The following PXT1 variants were observed in gnomAD, a reference collection of about 807,000 sequenced individuals.
PXT1 encodes peroxisomal testis enriched protein 1, also known as peroxisomal testis-specific protein 1.
In PXT1, 11 loss-of-function variants were observed where a neutral mutation model predicts 11.0. The observed-to-expected ratio is 1.00, with a 90% CI of 0.63 to 1.66. The LOEUF is 1.66. Ranked by LOEUF, PXT1 falls within the 40% of genes most tolerant of loss-of-function variation. The probability of loss-of-function intolerance (pLI) is 0.00; values close to 1 mark genes in which losing one functional copy is unlikely to be tolerated. For synonymous variants in PXT1, 43 were observed against 51.4 expected, an observed-to-expected ratio of 0.84 and a Z score of 0.70; for missense variants, 141 against 155.5, an observed-to-expected ratio of 0.91 and a Z score of 0.49.
intron 4 of PXT1, among the ~76,000 whole-genome samples, chr6:36,393,725 C>CAAA (rs33980831): frequency 5.6e-5 from 8 of 142,522 alleles, no homozygotes; most frequent in African/African-American, 1.3e-4. Context: ...GACTATGCCT[C>CAAA]AAAAAAAAAA....
At chr6:36,417,112 G>A (rs555707284) in intron 3 of PXT1, among the ~76,000 whole-genome samples, 7 of 152,284 alleles carry the variant, frequency 4.6e-5, no homozygotes, top group South Asian at 2.1e-4. Flanking sequence ...TTGGGAGGCC[G>A]AGGCGGGCAG....
chr6:36,401,517 TGACATG>T (rs1204289197), intron 3 of PXT1, among the ~76,000 whole-genome samples: 1 of 151,070 alleles, frequency 6.6e-6, no homozygotes, highest in Non-Finnish European at 1.5e-5. Flanking sequence ...CGACTGAAGC[TGACATG>T]GGAGAATTGC....
At chr6:36,409,786 A>G (rs957194758) in intron 3 of PXT1, among the ~76,000 whole-genome samples, 3 of 148,136 alleles carry the variant, frequency 2.0e-5, no homozygotes, top group African/African-American at 7.6e-5. Context: ...TAATTGTTCC[A>G]CTGTACTCCA....
intron 3 of PXT1, among the ~76,000 whole-genome samples, chr6:36,405,535 C>T (rs766954492): frequency 2.0e-5 from 3 of 152,146 alleles, no homozygotes; most frequent in Non-Finnish European, 2.9e-5. Flanking sequence ...CGTGCCACCA[C>T]GCCTGGCTTT....
At chr6:36,408,888 T>A (rs962959423) in intron 3 of PXT1, among the ~76,000 whole-genome samples, 13 of 150,436 alleles carry the variant, frequency 8.6e-5, no homozygotes, top group East Asian at 1.9e-4. Context: ...AAAAAAAAAA[T>A]ACTTTGTAAA....
At position 36,410,381 on chromosome 6, in the gene PXT1, C is replaced by T. The variant is rs556228369; in HGVS notation, c.170-9797G>A. ...AGGAGAATCGCTTGAATCCGGGAGG[C>T]GGAGGTTGCAGTGAGCCGAGATAGC... is the stretch of plus-strand genomic sequence containing the variant. On this transcript the variant is annotated intron_variant, in intron 3 of 4. Coordinates refer to ENST00000454782, the MANE Select transcript of PXT1 (RefSeq NM_152990.4). Among the ~76,000 whole-genome samples the T allele has an allele frequency of 1.1e-4, 16 of 148,718 alleles. No homozygotes were observed. In the South Asian group the frequency reaches 3.0e-3, roughly 28 times the overall value.
At chr6:36,425,165 A>G (rs996706643) in intron 3 of PXT1, among the ~76,000 whole-genome samples, 4 of 152,204 alleles carry the variant, frequency 2.6e-5, no homozygotes, top group African/African-American at 9.7e-5. Flanking sequence ...TTTAGGAATC[A>G]CACATTTTTG....
intron 3 of PXT1, among the ~76,000 whole-genome samples, chr6:36,412,868 G>A (rs1774394019): frequency 1.3e-5 from 2 of 150,434 alleles, no homozygotes; most frequent in South Asian, 4.2e-4. Flanking sequence ...AAATATGATC[G>A]CCAAAATTAA....
chr6:36,408,562 G>A, intron 3 of PXT1, among the ~76,000 whole-genome samples: 1 of 149,984 alleles, frequency 6.7e-6, no homozygotes, highest in Admixed American at 6.7e-5. Context: ...CCTGGACTTG[G>A]TTAATCTTTT....
At chr6:36,395,248 A>G (rs1480143468) in intron 4 of PXT1, among the ~76,000 whole-genome samples, 1 of 152,230 alleles carries the variant, frequency 6.6e-6, no homozygotes, top group Non-Finnish European at 1.5e-5. Flanking sequence ...AGATAAAAAT[A>G]TAAATTGATG....
chr6:36,419,119 C>T (rs1774490075), intron 3 of PXT1, among the ~76,000 whole-genome samples: 2 of 152,120 alleles, frequency 1.3e-5, no homozygotes, highest in African/African-American at 2.4e-5. Flanking sequence ...GATTAGTTGA[C>T]AATCACCTGA....
chr6:36,437,513 GGT>G (rs1491378149), intron 2 of PXT1, among the ~76,000 whole-genome samples: 3 of 75,870 alleles, frequency 4.0e-5, no homozygotes, highest in African/African-American at 1.6e-4. Flanking sequence ...TTTTTGTGTG[GGT>G]TTTTTTTTTT....
chr6:36,399,345 C>T (rs1402201417), intron 4 of PXT1, among the ~76,000 whole-genome samples: 4 of 152,142 alleles, frequency 2.6e-5, no homozygotes, highest in Non-Finnish European at 5.9e-5. Flanking sequence ...CGGGGTTTCA[C>T]CAGGTTGGCC....
At chr6:36,393,130 C>G (rs1774093431) in intron 4 of PXT1, 1 of 152,224 alleles carries the variant, frequency 6.6e-6, no homozygotes, top group Non-Finnish European at 1.5e-5. Context: ...CACCACCAAG[C>G]CCGGCTAATT....
intron 2 of PXT1, among the ~76,000 whole-genome samples, chr6:36,427,867 T>C (rs1324011673): frequency 2.0e-5 from 3 of 152,154 alleles, no homozygotes; most frequent in Admixed American, 2.0e-4. Context: ...GGAGAAAGAT[T>C]GTCAAATAGA....
At chr6:36,429,858 T>G (rs893503501) in intron 2 of PXT1, among the ~76,000 whole-genome samples, 2 of 118,524 alleles carry the variant, frequency 1.7e-5, no homozygotes, top group Admixed American at 1.9e-4. Flanking sequence ...ATAAAATAAT[T>G]TATTTCTTTG....
chr6:36,426,410 G>A (rs1376823881), intron 2 of PXT1, among the ~76,000 whole-genome samples: 4 of 95,334 alleles, frequency 4.2e-5, no homozygotes, highest in African/African-American at 1.5e-4. Context: ...TGCTCTTGTT[G>A]CCCAGGCTGG....
intron 3 of PXT1, among the ~76,000 whole-genome samples, chr6:36,419,925 G>A (rs1774500057): frequency 6.6e-6 from 1 of 152,220 alleles, no homozygotes; most frequent in African/African-American, 2.4e-5. Flanking sequence ...GATAGTGTGG[G>A]AAGAGAGGGC....
intron 3 of PXT1, among the ~76,000 whole-genome samples, chr6:36,412,780 G>A (rs1308744923): frequency 6.6e-6 from 1 of 151,620 alleles, no homozygotes; most frequent in Non-Finnish European, 1.5e-5. Context: ...AGAGATTTAA[G>A]ACAATATTAC....
Sources: gnomAD v4.1 joint callset for allele counts (sites outside exome capture counted in the v4.1 genomes callset) on GRCh38, gnomAD v4.1.1 for gene constraint, MANE v1.5 for transcripts, NCBI Gene and HGNC (gene_info 2026-07-23, HGNC 2026-07-21) for gene names.